The following CRMP1 variants were observed in gnomAD, a reference collection of about 807,000 sequenced individuals.
CRMP1 encodes the protein collapsin response mediator protein 1, also known as dihydropyrimidinase-related protein 1.
Under a neutral mutation model 68.3 loss-of-function variants are expected in CRMP1, and 19 were observed. The ratio of observed to expected loss-of-function variants is 0.28; its 90% CI spans 0.19 to 0.41. The LOEUF is 0.41. Among genes scored for constraint, CRMP1 ranks in the 10% least tolerant of loss-of-function variants. The pLI, the probability that CRMP1 is intolerant of heterozygous loss-of-function variation, is 1.00. For missense variants in CRMP1, 791 were observed against 967.4 expected, an observed-to-expected ratio of 0.82 and a Z score of 2.42; for synonymous variants, 439 against 399.6, an observed-to-expected ratio of 1.10 and a Z score of -1.18.
Position 5,866,665 on chromosome 4 carries a change from C to T in CRMP1, c.470+3G>A, listed in dbSNP as rs202089017. On this transcript the variant is annotated splice_donor_region_variant and intron_variant, in intron 2 of 13. Transcript: ENST00000324989. This position sits in a 1 kb window ranked among gnomAD's most constrained non-coding sequence, Gnocchi z 5.9. ...CTTAAAAGGTCCGTTTTGATCAACC[C>T]ACTTGATAAGTCCATCCTCCAGGTA... 6.2e-7 allele frequency: 1 copy of T among 1,610,466 alleles called. No individual in the cohort carries two copies. The highest frequency in any genetic ancestry group is 1.3e-5 in the African/African-American group (1 of 74,774).
chr4:5,830,414 A>G (rs1168550218), intron 11 of CRMP1, among the ~76,000 whole-genome samples: 2 of 152,202 alleles, frequency 1.3e-5, no homozygotes, highest in Non-Finnish European at 2.9e-5. Flanking sequence ...TTGCTTAGCA[A>G]GATCCTTTCC....
Position 5,841,232 on chromosome 4 carries a change from G to A in CRMP1, c.1153+76C>T, listed in dbSNP as rs1711702164. On this transcript the variant is annotated intron_variant, in intron 8 of 13. Transcript: ENST00000324989. The surrounding 1 kb of genome is among the most constrained non-coding windows in gnomAD (Gnocchi z 6.9). ...CCGGCTGCCTGTCTGAGTTCGGGAGGGAGTGAACTTGAACCTGCAGGACAC... is the reference window on the plus strand; with the variant it reads ...CCGGCTGCCTGTCTGAGTTCGGGAGAGAGTGAACTTGAACCTGCAGGACAC... 3 of 1,610,366 alleles carry A rather than the reference G, an allele frequency of 1.9e-6. No homozygotes were observed. Among genetic ancestry groups the A allele is most frequent in the African/African-American group, 1.3e-5 (1 of 74,822 alleles).
rs1711860160 is a variant in CRMP1, at chr4:5,842,655, C to A, written c.1032+438G>T. On this transcript the variant is annotated intron_variant, in intron 7 of 13. Coordinates refer to ENST00000324989, the MANE Select transcript of CRMP1 (RefSeq NM_001014809.3). This position sits in a 1 kb window ranked among gnomAD's most constrained non-coding sequence, Gnocchi z 4.5. Reference sequence around the variant, plus strand: ...ACACACACGCACTGTCTCTCTCACACACACACACTAACATACACACACTCA... The same window carrying A: ...ACACACACGCACTGTCTCTCTCACAAACACACACTAACATACACACACTCA... 6.7e-6 allele frequency among the ~76,000 whole-genome samples: 1 copy of A among 150,256 alleles called. No individual in the cohort carries two copies. The highest frequency in any genetic ancestry group is 2.5e-5 in the African/African-American group (1 of 39,998).
chr4:5,868,261 C>CTATATATCTA (rs1714141585), intron 1 of CRMP1, among the ~76,000 whole-genome samples: 4 of 111,462 alleles, frequency 3.6e-5, no homozygotes, highest in Admixed American at 1.0e-4. Flanking sequence ...GACTATATAT[C>CTATATATCTA]TATATATATA....
Position 5,872,088 on chromosome 4 carries a change from T to C in CRMP1, c.382-5332A>G, listed in dbSNP as rs1474189541. ...CATGCTTCTGTCCCATGTTTAAACA[T>C]TCCCAAACTCTAGAATCCATGACAC... is the stretch of plus-strand genomic sequence containing the variant. On this transcript the variant is annotated intron_variant, in intron 1 of 13. Coordinates refer to ENST00000324989, the MANE Select transcript of CRMP1 (RefSeq NM_001014809.3). The surrounding 1 kb of genome is among the most constrained non-coding windows in gnomAD (Gnocchi z 4.6). Among the ~76,000 whole-genome samples, 1 of 152,050 alleles carries C rather than the reference T, an allele frequency of 6.6e-6. No homozygotes were observed. Among genetic ancestry groups the C allele is most frequent in the African/African-American group, 2.4e-5 (1 of 41,420 alleles).
At position 5,833,159 on chromosome 4, in the gene CRMP1, CTTTTTTT is replaced by C. The variant is rs1160531301; in HGVS notation, c.1623+2749_1623+2755del. On this transcript the variant is annotated intron_variant, in intron 11 of 13. Coordinates refer to ENST00000324989, the MANE Select transcript of CRMP1 (RefSeq NM_001014809.3). ...TGGTTTCAACTTCTACCTTCCAGAA[CTTTTTTT>C]TTTTTTTTTTTTTTTTTTGAGACGG... 3.5e-5 allele frequency among the ~76,000 whole-genome samples: 3 copies of C among 84,636 alleles called. No individual in the cohort carries two copies. The South Asian group carries it at 1.1e-3, about 31-fold the overall frequency. The allele number at this position is 84,636 out of a possible 152,430, so 55.5% of individuals were successfully genotyped here.
At position 5,845,193 on chromosome 4, in the gene CRMP1, G is replaced by A. The variant is rs189100977; in HGVS notation, c.964-2032C>T. Reference sequence around the variant, plus strand: ...TTCTAAGATGACTCCCAGTGATCCCGCCTCCTGCTTTTCAAGGCCCTGCAG... The same window carrying A: ...TTCTAAGATGACTCCCAGTGATCCCACCTCCTGCTTTTCAAGGCCCTGCAG... On this transcript the variant is annotated intron_variant, in intron 6 of 13. Transcript: ENST00000324989. Among the ~76,000 whole-genome samples the A allele has an allele frequency of 5.4e-4, 83 of 152,302 alleles. No individual in the cohort carries two copies. In the East Asian group the frequency reaches 0.012, roughly 22 times the overall value.
rs1484267481 is a variant in CRMP1 at position 5,835,956 on chromosome 4, G to A, written c.1582C>T (p.Pro528Ser). The change falls in exon 11 of 14, where the codon CCC (proline) becomes TCC (serine). Residue 528 changes from proline (P) to serine (S), a missense_variant. By Grantham distance (74) the Pro-to-Ser change is moderately conservative. Transcript: ENST00000324989. Reference protein sequence around the residue: ...GSDADVVIWDPDKLKTITAKS... With the variant: ...GSDADVVIWDSDKLKTITAKS... Reference sequence around the variant, plus strand: ...GCTGTTATGGTCTTCAACTTGTCGGGGTCCCAGATGACCACGTCGGCATCC... The same window carrying A: ...GCTGTTATGGTCTTCAACTTGTCGGAGTCCCAGATGACCACGTCGGCATCC... 50 of 1,586,424 alleles carry A rather than the reference G, an allele frequency of 3.2e-5. No individual in the cohort carries two copies. The highest frequency in any genetic ancestry group is 4.2e-5 in the Non-Finnish European group (49 of 1,166,520).
In CRMP1 at chr4:5,835,966, G is replaced by A. The variant is rs61034456; in HGVS notation, c.1572C>T (p.Val524=). 6.3e-7 allele frequency: 1 copy of A among 1,594,484 alleles called. No individual in the cohort carries two copies. The highest frequency in any genetic ancestry group is 2.3e-5 in the East Asian group (1 of 43,526). Residue 524 remains valine, a synonymous_variant, in exon 11 of 14, where the codon GTC becomes GTT. Coordinates refer to ENST00000324989, the MANE Select transcript of CRMP1 (RefSeq NM_001014809.3). Reference sequence around the variant, plus strand: ...TCTTCAACTTGTCGGGGTCCCAGATGACCACGTCGGCATCCGAGCCCACGG... The same window carrying A: ...TCTTCAACTTGTCGGGGTCCCAGATAACCACGTCGGCATCCGAGCCCACGG... ...RIAVGSDADV[V]IWDPDKLKTI...
chr4:5,886,319 C>G (rs1420762005), intron 1 of CRMP1, among the ~76,000 whole-genome samples: 1 of 152,250 alleles, frequency 6.6e-6, no homozygotes, highest in Non-Finnish European at 1.5e-5. Flanking sequence ...GCAGCAAGAC[C>G]TGTCGGCAGA....
At chr4:5,867,998 C>T (rs796667735) in intron 1 of CRMP1, among the ~76,000 whole-genome samples, 1 of 152,016 alleles carries the variant, frequency 6.6e-6, no homozygotes, top group African/African-American at 2.4e-5. Context: ...TGTTTTCAAT[C>T]CCTCAGCCTA....
At chr4:5,822,495 G>GGC (rs1491008044) in intron 13 of CRMP1, among the ~76,000 whole-genome samples, 2 of 83,038 alleles carry the variant, frequency 2.4e-5, no homozygotes, top group Non-Finnish European at 4.2e-5. Context: ...GGATCTGAAG[G>GGC]GGGGGGGGGT....
chr4:5,821,787 G>C lies in CRMP1; in HGVS notation c.2034C>G (p.Gly678=). Residue 678 remains glycine, a synonymous_variant, in exon 14 of 14, where the codon GGC becomes GGG. Coordinates refer to ENST00000324989, the MANE Select transcript of CRMP1 (RefSeq NM_001014809.3). The surrounding 1 kb of genome is among the most constrained non-coding windows in gnomAD (Gnocchi z 4.4). ...TGHRIVAPPG[G]RSNITSLG ...AACCGAGGCTGGTGATGTTGGAGCG[G>C]CCACCAGGGGGCGCCACGATGCGGT... 6.2e-7 allele frequency: 1 copy of C among 1,611,226 alleles called. No homozygotes were observed. Among genetic ancestry groups the C allele is most frequent in the Middle Eastern group, 1.7e-4 (1 of 6,060 alleles).
intron 3 of CRMP1, among the ~76,000 whole-genome samples, chr4:5,857,084 CCAT>C (rs1257267047): frequency 2.5e-5 from 3 of 122,394 alleles, no homozygotes; most frequent in African/African-American, 9.2e-5. Flanking sequence ...ACCACCACCA[CCAT>C]TATCACTAAC....
At chr4:5,884,333 T>C (rs1715418267) in intron 1 of CRMP1, among the ~76,000 whole-genome samples, 1 of 152,140 alleles carries the variant, frequency 6.6e-6, no homozygotes, top group Admixed American at 6.5e-5. Context: ...CCTGATGTGA[T>C]TTTTACTTGA....
chr4:5,856,404 TCAC>T lies in CRMP1; in HGVS notation c.656-100_656-98del. 4 of 1,104,664 alleles carry T rather than the reference TCAC, an allele frequency of 3.6e-6. No individual in the cohort carries two copies. In the Middle Eastern group the frequency reaches 6.6e-4, roughly 183 times the overall value. 68.4% of individuals were successfully genotyped at this position (1,104,664 alleles called of 1,614,324 possible). A position where few individuals can be genotyped will look rare whatever the true frequency, so the allele number is the denominator to read the frequency against. ...ACCACCATCATCACCATCATTACCA[TCAC>T]CACCATCATCATCATCACCATAATT... On this transcript the variant is annotated intron_variant, in intron 3 of 13. Coordinates refer to ENST00000324989, the MANE Select transcript of CRMP1 (RefSeq NM_001014809.3).
Position 5,834,280 on chromosome 4 carries a change from G to A in CRMP1, c.1623+1635C>T, listed in dbSNP as rs893637304. 2.0e-5 allele frequency among the ~76,000 whole-genome samples: 3 copies of A among 152,208 alleles called. No individual in the cohort carries two copies. The highest frequency in any genetic ancestry group is 4.4e-5 in the Non-Finnish European group (3 of 68,042). On this transcript the variant is annotated intron_variant, in intron 11 of 13. Transcript: ENST00000324989. The surrounding 1 kb of genome is among the most constrained non-coding windows in gnomAD (Gnocchi z 4.3). ...TGGACATTGACTTGCCATTGCAATG[G>A]TATTAAGATGTGAGACCATTAAGAG... is the stretch of plus-strand genomic sequence containing the variant.
In CRMP1 at chr4:5,834,665, T is replaced by G. The variant is rs1039854945; in HGVS notation, c.1623+1250A>C. On this transcript the variant is annotated intron_variant, in intron 11 of 13. Transcript: ENST00000324989. The surrounding 1 kb of genome is among the most constrained non-coding windows in gnomAD (Gnocchi z 4.3). The stretch of plus-strand genomic sequence containing the variant: ...AGACGCTCTCCCATTGCCTCTCCTA[T>G]GTGCACAGACCCCAAGCAGTGTGTA... Among the ~76,000 whole-genome samples, 1 of 152,180 alleles carries G rather than the reference T, an allele frequency of 6.6e-6. No individual in the cohort carries two copies. Among genetic ancestry groups the G allele is most frequent in the Non-Finnish European group, 1.5e-5 (1 of 68,036 alleles).
intron 1 of CRMP1, chr4:5,887,577 C>A (rs1444381461): frequency 3.0e-6 from 3 of 984,906 alleles, no homozygotes; most frequent in African/African-American, 3.5e-5. Context: ...TCTGCCTCCA[C>A]CACCGTCCCC....
Sources: allele counts gnomAD v4.1 joint callset (sites outside exome capture counted in the v4.1 genomes callset), GRCh38; gene constraint gnomAD v4.1.1; non-coding constraint Gnocchi (gnomAD v3.1); transcripts MANE v1.5; gene names NCBI Gene and HGNC (gene_info 2026-07-23, HGNC 2026-07-21).